The following LOC128462377 variants were observed in gnomAD, a reference collection of about 807,000 sequenced individuals.
At chr16:89,318,213 C>A in the LOC128462377 span, among the ~76,000 whole-genome samples, 1 of 152,176 alleles carries the variant, frequency 6.6e-6, no homozygotes, top group Non-Finnish European at 1.5e-5. Context: ...CTTCCCCACG[C>A]CACGCCTGGC....
At chr16:89,377,865 C>T in the LOC128462377 span, among the ~76,000 whole-genome samples, 1 of 152,042 alleles carries the variant, frequency 6.6e-6, no homozygotes, top group Non-Finnish European at 1.5e-5. Flanking sequence ...TCTTCCACCC[C>T]CGCCCCATGA....
chr16:89,375,213 G>A, the LOC128462377 span, among the ~76,000 whole-genome samples: 26 of 152,188 alleles, frequency 1.7e-4, no homozygotes, highest in African/African-American at 3.4e-4. Flanking sequence ...GTCGGTATCC[G>A]CTTAAAACAC....
chr16:89,325,085 C>T, the LOC128462377 span: 1 of 153,204 alleles, frequency 6.5e-6, no homozygotes, highest in Admixed American at 6.5e-5. Flanking sequence ...CCAGCAATGC[C>T]ATTCTGGACA....
chr16:89,380,291 T>C, the LOC128462377 span, among the ~76,000 whole-genome samples: 1 of 152,182 alleles, frequency 6.6e-6, no homozygotes, highest in Non-Finnish European at 1.5e-5. Flanking sequence ...TCTGTATTTT[T>C]AGTAGAGATG....
chr16:89,336,308 G>A, the LOC128462377 span, among the ~76,000 whole-genome samples: 2 of 152,214 alleles, frequency 1.3e-5, no homozygotes, highest in African/African-American at 2.4e-5. Context: ...ATGCACACAC[G>A]CCAGGGCACG....
At chr16:89,385,683 T>C in the LOC128462377 span, among the ~76,000 whole-genome samples, 1 of 152,262 alleles carries the variant, frequency 6.6e-6, no homozygotes, top group Admixed American at 6.5e-5. Context: ...ACGAATTCAC[T>C]TTAGGTACAG....
the LOC128462377 span, among the ~76,000 whole-genome samples, chr16:89,345,552 T>A: frequency 6.6e-6 from 1 of 152,186 alleles, no homozygotes; most frequent in African/African-American, 2.4e-5. Flanking sequence ...CTGTGAGAAA[T>A]AAATTTCTGT....
chr16:89,324,454 G>C, the LOC128462377 span: 1 of 459,340 alleles, frequency 2.2e-6, no homozygotes, highest in Non-Finnish European at 4.4e-6. Flanking sequence ...GGTTACTACT[G>C]AGTTTCAACT....
chr16:89,345,418 G>A, the LOC128462377 span, among the ~76,000 whole-genome samples: 1 of 152,206 alleles, frequency 6.6e-6, no homozygotes. Context: ...TTAAGGGCTA[G>A]CACTGGGAGG....
chr16:89,384,807 C>T, the LOC128462377 span, among the ~76,000 whole-genome samples: 4 of 150,174 alleles, frequency 2.7e-5, no homozygotes, highest in African/African-American at 9.8e-5. Context: ...AGCCCAACAA[C>T]AGAACCGCTG....
the LOC128462377 span, among the ~76,000 whole-genome samples, chr16:89,356,463 A>C: frequency 6.6e-6 from 1 of 151,988 alleles, no homozygotes; most frequent in Non-Finnish European, 1.5e-5. Context: ...GCTTGTTCCA[A>C]TGTCAGCTCT....
chr16:89,324,761 G>A, the LOC128462377 span: 4 of 307,392 alleles, frequency 1.3e-5, no homozygotes, highest in Non-Finnish European at 2.5e-5. Context: ...TTGGGCCTTC[G>A]GCCACAGACT....
the LOC128462377 span, among the ~76,000 whole-genome samples, chr16:89,348,769 T>C: frequency 1.4e-4 from 21 of 152,018 alleles, no homozygotes; most frequent in African/African-American, 5.1e-4. Flanking sequence ...TTTGAATGGC[T>C]ATAAGATCAC....
the LOC128462377 span, among the ~76,000 whole-genome samples, chr16:89,403,296 G>A: frequency 6.6e-6 from 1 of 152,152 alleles, no homozygotes; most frequent in Admixed American, 6.5e-5. Context: ...GAGCAATCCT[G>A]TGTGGCCTGC....
At chr16:89,381,505 G>C in the LOC128462377 span, among the ~76,000 whole-genome samples, 2 of 152,156 alleles carry the variant, frequency 1.3e-5, no homozygotes, top group African/African-American at 4.8e-5. Flanking sequence ...TCAATAAAAA[G>C]CAAAATGAGG....
the LOC128462377 span, chr16:89,320,268 C>G: frequency 6.6e-6 from 1 of 152,278 alleles, no homozygotes; most frequent in Non-Finnish European, 1.5e-5. Flanking sequence ...GGCACCGGGT[C>G]TCACTCCCGG....
chr16:89,404,026 T>G, the LOC128462377 span, among the ~76,000 whole-genome samples: 1 of 152,348 alleles, frequency 6.6e-6, no homozygotes, highest in South Asian at 2.1e-4. Context: ...CTCAGAACTA[T>G]GGCAAACTTA....
At chr16:89,389,472 G>A in the LOC128462377 span, among the ~76,000 whole-genome samples, 1 of 152,174 alleles carries the variant, frequency 6.6e-6, no homozygotes, top group Non-Finnish European at 1.5e-5. Flanking sequence ...GGCAAAATTA[G>A]TAGATGGAGA....
the LOC128462377 span, among the ~76,000 whole-genome samples, chr16:89,342,227 G>T: frequency 6.6e-6 from 1 of 152,256 alleles, no homozygotes; most frequent in African/African-American, 2.4e-5. Flanking sequence ...AAAAAGATGA[G>T]GTCAACTGCC....
Sources: gnomAD v4.1 joint callset for allele counts (sites outside exome capture counted in the v4.1 genomes callset) on GRCh38, gnomAD v4.1.1 for gene constraint, MANE v1.5 for transcripts.